Variants in SNTG1 observed in about 807,000 individuals in gnomAD.
SNTG1 encodes the protein gamma-1-syntrophin.
A neutral mutation model predicts 74.7 loss-of-function variants in SNTG1; 39 were observed. The ratio of observed to expected loss-of-function variants is 0.52; its 90% confidence interval spans 0.40 to 0.68. The LOEUF (loss-of-function observed/expected upper bound fraction) is 0.68. SNTG1 is among the 30% of genes least tolerant of loss of function. SNTG1 has a pLI of 0.00. For synonymous variants in SNTG1, 254 were observed against 217.1 expected (o/e 1.17, Z -1.49); for missense variants, 685 against 609.5 (o/e 1.12, Z -1.30).
chr8:50,498,589 T>A (rs552003770), intron 8 of SNTG1, among the ~76,000 whole-genome samples: 9 of 151,918 alleles, frequency 5.9e-5, no homozygotes, highest in Non-Finnish European at 1.3e-4. Flanking sequence ...TGGTTCAATT[T>A]TGATTACTCC....
intron 1 of SNTG1, among the ~76,000 whole-genome samples, chr8:50,069,705 C>T (rs1469908615): frequency 6.9e-6 from 1 of 145,124 alleles, no homozygotes; most frequent in African/African-American, 2.6e-5. Flanking sequence ...TCTCCTTCCT[C>T]CTGACTTCTC....
chr8:50,305,922 T>C (rs1294505105), intron 2 of SNTG1, among the ~76,000 whole-genome samples: 1 of 151,808 alleles, frequency 6.6e-6, no homozygotes, highest in Non-Finnish European at 1.5e-5. Context: ...AAAAACTGTT[T>C]CAATAGCTTT....
chr8:50,104,129 A>C (rs1203464699), intron 1 of SNTG1, among the ~76,000 whole-genome samples: 1 of 152,198 alleles, frequency 6.6e-6, no homozygotes, highest in Non-Finnish European at 1.5e-5. Context: ...TAGTTTCAGA[A>C]GGAATGGTAC....
chr8:50,723,658 G>T (rs1311237976), intron 17 of SNTG1, among the ~76,000 whole-genome samples: 1 of 152,104 alleles, frequency 6.6e-6, no homozygotes, highest in Non-Finnish European at 1.5e-5. Flanking sequence ...TGGAATTATT[G>T]CACGTCCCCT....
chr8:50,780,943 G>A (rs1262215886), intron 18 of SNTG1, among the ~76,000 whole-genome samples: 2 of 152,086 alleles, frequency 1.3e-5, no homozygotes, highest in African/African-American at 4.8e-5. Context: ...CTTTATTTCT[G>A]CCTTTATTTC....
intron 2 of SNTG1, among the ~76,000 whole-genome samples, chr8:50,350,806 G>A (rs1172632538): frequency 2.0e-5 from 3 of 152,064 alleles, no homozygotes; most frequent in Non-Finnish European, 4.4e-5. Context: ...GATTGTAAAC[G>A]CACCAATCAG....
At chr8:50,243,369 G>A (rs1305545785) in intron 2 of SNTG1, among the ~76,000 whole-genome samples, 1 of 152,046 alleles carries the variant, frequency 6.6e-6, no homozygotes, top group Non-Finnish European at 1.5e-5. Flanking sequence ...ATTCAATTAT[G>A]GAGTAACTTT....
At chr8:50,520,463 C>T in intron 9 of SNTG1, among the ~76,000 whole-genome samples, 1 of 152,148 alleles carries the variant, frequency 6.6e-6, no homozygotes, top group African/African-American at 2.4e-5. Flanking sequence ...AACTAAAGAG[C>T]TTCTGCACAG....
At chr8:50,004,850 C>T (rs1466473718) in intron 1 of SNTG1, among the ~76,000 whole-genome samples, 4 of 152,050 alleles carry the variant, frequency 2.6e-5, no homozygotes, top group Non-Finnish European at 4.4e-5. Context: ...AGAATGAACC[C>T]GACACACAAA....
At chr8:50,214,043 T>C (rs928654237) in intron 2 of SNTG1, among the ~76,000 whole-genome samples, 10 of 152,110 alleles carry the variant, frequency 6.6e-5, no homozygotes, top group African/African-American at 2.4e-4. Context: ...GGTTTTCTTC[T>C]AGGGTTTTTA....
intron 1 of SNTG1, among the ~76,000 whole-genome samples, chr8:49,938,632 T>TTTCTTTCTTTCTTTCTTTCTTTCA (rs1563371269): frequency 1.4e-5 from 2 of 142,326 alleles, no homozygotes; most frequent in East Asian, 4.0e-4. Context: ...TCTTTCTTTC[T>TTTCTTTCTTTCTTTCTTTCTTTCA]TTCTTTCTTT....
chr8:50,786,915 C>G (rs2095677120), intron 18 of SNTG1, among the ~76,000 whole-genome samples: 1 of 151,742 alleles, frequency 6.6e-6, no homozygotes, highest in Non-Finnish European at 1.5e-5. Flanking sequence ...ATTTTTGTAA[C>G]CTTGGGTTTG....
intron 11 of SNTG1, among the ~76,000 whole-genome samples, chr8:50,541,610 A>G (rs1243348260): frequency 6.6e-6 from 1 of 152,158 alleles, no homozygotes; most frequent in African/African-American, 2.4e-5. Flanking sequence ...AAATCAAGTT[A>G]GTATACTTAC....
intron 9 of SNTG1, among the ~76,000 whole-genome samples, chr8:50,524,120 C>A (rs989110333): frequency 1.3e-5 from 2 of 151,924 alleles, no homozygotes; most frequent in African/African-American, 2.4e-5. Flanking sequence ...TTATCAATTT[C>A]TTTTGTGTAC....
intron 2 of SNTG1, among the ~76,000 whole-genome samples, chr8:50,356,024 C>T (rs772811328): frequency 4.6e-5 from 7 of 152,126 alleles, no homozygotes; most frequent in South Asian, 2.1e-4. Context: ...TGCCCAAATC[C>T]TGTACTTCCT....
At position 49,997,269 on chromosome 8, in the gene SNTG1, G is replaced by T. The variant is rs184044067; in HGVS notation, c.-103+85038G>T. Among the ~76,000 whole-genome samples the T allele has an allele frequency of 3.3e-5, 5 of 151,944 alleles. No homozygotes were observed. In the East Asian group the frequency reaches 5.8e-4, roughly 18 times the overall value. On this transcript the variant is annotated intron_variant, in intron 1 of 18. Coordinates refer to ENST00000642720, the MANE Select transcript of SNTG1 (RefSeq NM_018967.5). The stretch of plus-strand genomic sequence containing the variant: ...TTTGTATCTCACCCCATTCCCTCTG[G>T]CCTATTCAAGAGCATCGCTTTCCAT...
chr8:50,685,369 C>T (rs1212070589), intron 15 of SNTG1, among the ~76,000 whole-genome samples: 1 of 152,120 alleles, frequency 6.6e-6, no homozygotes, highest in African/African-American at 2.4e-5. Context: ...CCATTATCTA[C>T]CTTATATAAG....
At chr8:50,452,436 A>G (rs1456704116) in intron 8 of SNTG1, among the ~76,000 whole-genome samples, 1 of 152,240 alleles carries the variant, frequency 6.6e-6, no homozygotes, top group Non-Finnish European at 1.5e-5. Flanking sequence ...AAAAGTACAA[A>G]GTGATTTTAA....
intron 1 of SNTG1, among the ~76,000 whole-genome samples, chr8:50,141,618 T>G (rs940671455): frequency 1.3e-5 from 2 of 152,138 alleles, no homozygotes; most frequent in African/African-American, 4.8e-5. Context: ...AACACATTAG[T>G]TACTATGTGA....
Sources: gnomAD v4.1 joint callset for allele counts (sites outside exome capture counted in the v4.1 genomes callset) on GRCh38, gnomAD v4.1.1 for gene constraint, MANE v1.5 for transcripts, NCBI Gene and HGNC (gene_info 2026-07-23, HGNC 2026-07-21) for gene names.